The following NEXMIF variants were observed in gnomAD, a reference collection of about 807,000 sequenced individuals.
NEXMIF encodes neurite extension and migration factor.
Under a neutral mutation model 62.1 loss-of-function variants are expected in NEXMIF, and 8 were observed. That is an observed-to-expected ratio of 0.13 (90% CI 0.08 to 0.23). NEXMIF has a LOEUF of 0.23. Ranked by LOEUF, NEXMIF falls within the 10% of genes least tolerant of loss-of-function variation. NEXMIF has a pLI of 1.00. For synonymous variants in NEXMIF, 404 were observed against 416.6 expected (o/e 0.97, Z 0.37); for missense variants, 976 against 1,113.3 (o/e 0.88, Z 1.75).
intron 1 of NEXMIF, among the ~76,000 whole-genome samples, chrX:74,824,838 C>T (rs2080409343): frequency 9.1e-6 from 1 of 110,264 alleles, no homozygotes; most frequent in African/African-American, 3.3e-5. Context: ...TTAGTACAGA[C>T]AGAGTTTCAC....
At chrX:74,796,143 T>A (rs1276956458) in intron 1 of NEXMIF, among the ~76,000 whole-genome samples, 19 of 74,076 alleles carry the variant, frequency 2.6e-4, no homozygotes, top group African/African-American at 7.9e-4. Flanking sequence ...AATATATATA[T>A]TATATATATA....
At chrX:74,776,197 G>A (rs1017710523) in intron 1 of NEXMIF, among the ~76,000 whole-genome samples, 1 of 111,541 alleles carries the variant, frequency 9.0e-6, no homozygotes, top group African/African-American at 3.3e-5. Context: ...AATGAAGAAT[G>A]TTTGTGTGTC....
intron 1 of NEXMIF, among the ~76,000 whole-genome samples, chrX:74,865,612 T>C (rs1371485347): frequency 8.9e-6 from 1 of 111,987 alleles, no homozygotes; most frequent in Non-Finnish European, 1.9e-5. Context: ...GAGACCTTCA[T>C]GGCAGAGCCT....
intron 1 of NEXMIF, among the ~76,000 whole-genome samples, chrX:74,807,743 G>A (rs1050943413): frequency 5.4e-5 from 6 of 111,800 alleles, no homozygotes; most frequent in African/African-American, 1.6e-4. Context: ...GAATACAGGC[G>A]TGAGCCACCA....
chrX:74,853,591 G>T (rs1054360238), intron 1 of NEXMIF, among the ~76,000 whole-genome samples: 5 of 110,599 alleles, frequency 4.5e-5, no homozygotes, highest in Admixed American at 3.9e-4. Context: ...TGTTAGAGAA[G>T]AAATGGTTTG....
chrX:74,760,733 A>G (rs2080173299), intron 1 of NEXMIF, among the ~76,000 whole-genome samples: 1 of 111,397 alleles, frequency 9.0e-6, no homozygotes, highest in Non-Finnish European at 1.9e-5. Context: ...CCCAGGGAAA[A>G]GTCTAGTTGA....
At chrX:74,890,697 T>C (rs2080714983) in intron 1 of NEXMIF, among the ~76,000 whole-genome samples, 1 of 111,669 alleles carries the variant, frequency 9.0e-6, no homozygotes, top group South Asian at 3.7e-4. Context: ...GGAAACTTAA[T>C]CTTCAACTCT....
chrX:74,803,406 A>T (rs1302855013), intron 1 of NEXMIF, among the ~76,000 whole-genome samples: 1 of 109,706 alleles, frequency 9.1e-6, no homozygotes, highest in Non-Finnish European at 1.9e-5. Flanking sequence ...AAAATAAATA[A>T]ATAAATAAAT....
chrX:74,832,708 GTTGT>G (rs765381654), intron 1 of NEXMIF, among the ~76,000 whole-genome samples: 1 of 111,435 alleles, frequency 9.0e-6, no homozygotes, highest in Non-Finnish European at 1.9e-5. Flanking sequence ...GCATTGGTAG[GTTGT>G]TTATTTGAAG....
chrX:74,896,060 C>T (rs1602270600), intron 1 of NEXMIF, among the ~76,000 whole-genome samples: 1 of 111,230 alleles, frequency 9.0e-6, no homozygotes, highest in South Asian at 3.8e-4. Context: ...TTTTCCATAG[C>T]AGATTCAACC....
intron 1 of NEXMIF, among the ~76,000 whole-genome samples, chrX:74,799,886 C>T (rs919504561): frequency 2.7e-5 from 3 of 110,936 alleles, no homozygotes; most frequent in Non-Finnish European, 5.7e-5. Context: ...ACAAGAGAGG[C>T]CCAAAATATA....
At chrX:74,795,023 C>T (rs779637162) in intron 1 of NEXMIF, among the ~76,000 whole-genome samples, 135 of 111,910 alleles carry the variant, frequency 1.2e-3, no homozygotes, top group Admixed American at 2.0e-3. Flanking sequence ...TTCTATTTTC[C>T]GTCCACATGG....
At position 74,839,586 on chromosome X, in the gene NEXMIF, C is replaced by A. The variant is rs538611066; in HGVS notation, c.-48+85297G>T. On this transcript the variant is annotated intron_variant, in intron 1 of 3. Coordinates refer to ENST00000055682, the MANE Select transcript of NEXMIF (RefSeq NM_001008537.3). ...CTCCCACCCTTCACCCTCAAGTAGA[C>A]CCCAGTGTCTGTTGTTTCCTTCTTT... Among the ~76,000 whole-genome samples, 4 of 111,423 alleles carry A rather than the reference C, an allele frequency of 3.6e-5. No individual in the cohort carries two copies. The South Asian group carries it at 1.5e-3, about 43-fold the overall frequency.
intron 1 of NEXMIF, among the ~76,000 whole-genome samples, chrX:74,776,581 C>A (rs1602224005): frequency 9.2e-6 from 1 of 109,173 alleles, no homozygotes; most frequent in East Asian, 2.9e-4. Flanking sequence ...CAAAAAATAA[C>A]CTGGGCGTGG....
chrX:74,821,708 A>C (rs746452164), intron 1 of NEXMIF, among the ~76,000 whole-genome samples: 1 of 111,940 alleles, frequency 8.9e-6, no homozygotes. Context: ...AAGTTAATAA[A>C]ATTTTAAGGG....
At chrX:74,752,377 G>A (rs919142563) in intron 1 of NEXMIF, among the ~76,000 whole-genome samples, 1 of 110,551 alleles carries the variant, frequency 9.0e-6, no homozygotes, top group African/African-American at 3.3e-5. Flanking sequence ...CAATCTAAGA[G>A]GGACCCTCTT....
intron 1 of NEXMIF, among the ~76,000 whole-genome samples, chrX:74,780,508 AC>A (rs2147458822): frequency 9.2e-6 from 1 of 108,239 alleles, no homozygotes; most frequent in African/African-American, 3.4e-5. Context: ...TCCCGGGACT[AC>A]AGGCGTGTGC....
intron 1 of NEXMIF, among the ~76,000 whole-genome samples, chrX:74,854,492 A>G (rs2080527382): frequency 8.9e-6 from 1 of 112,044 alleles, no homozygotes; most frequent in Non-Finnish European, 1.9e-5. Flanking sequence ...AAAAGCTGGA[A>G]GCCTTTCCTC....
intron 1 of NEXMIF, among the ~76,000 whole-genome samples, chrX:74,804,577 A>T (rs1336477978): frequency 1.8e-5 from 2 of 111,061 alleles, no homozygotes; most frequent in Non-Finnish European, 3.8e-5. Context: ...GTGCCTCATG[A>T]CTCTGCCTGC....
Sources: allele counts gnomAD v4.1 joint callset (sites outside exome capture counted in the v4.1 genomes callset), GRCh38; gene constraint gnomAD v4.1.1; transcripts MANE v1.5; gene names NCBI Gene and HGNC (gene_info 2026-07-23, HGNC 2026-07-21).